The following BMPER variants were observed in gnomAD, a reference collection of about 807,000 sequenced individuals.
BMPER encodes the protein BMP-binding endothelial regulator protein.
A neutral mutation model predicts 87.3 loss-of-function variants in BMPER; 45 were observed. The ratio of observed to expected loss-of-function variants is 0.52; its 90% confidence interval spans 0.41 to 0.66. The LOEUF (loss-of-function observed/expected upper bound fraction) is 0.66. Among genes scored for constraint, BMPER ranks in the 30% least tolerant of loss-of-function variants. The pLI, the probability that BMPER is intolerant of heterozygous loss-of-function variation, is 0.00. For synonymous variants in BMPER, 326 were observed against 316.2 expected, an observed-to-expected ratio of 1.03 and a Z score of -0.33; for missense variants, 784 against 867.5, an observed-to-expected ratio of 0.90 and a Z score of 1.21.
chr7:34,136,031 G>C (rs1433335561), intron 13 of BMPER, among the ~76,000 whole-genome samples: 1 of 152,192 alleles, frequency 6.6e-6, no homozygotes, highest in Non-Finnish European at 1.5e-5. Flanking sequence ...TGGACTTGCT[G>C]TTCTGTCCTG....
chr7:34,113,470 A>ATTTAT (rs5883451), intron 13 of BMPER, among the ~76,000 whole-genome samples: 88,520 of 149,548 alleles, frequency 0.59, 26,666 homozygotes, highest in East Asian at 0.83. Flanking sequence ...TTACAGTTTC[A>ATTTAT]TTTATTTTAT....
At chr7:34,100,534 G>A (rs989207674) in intron 13 of BMPER, among the ~76,000 whole-genome samples, 4 of 152,156 alleles carry the variant, frequency 2.6e-5, no homozygotes, top group Non-Finnish European at 5.9e-5. Flanking sequence ...AAGGCTCTGT[G>A]TGCTTCCTGT....
Position 33,974,741 on chromosome 7 carries a change from A to G in BMPER, c.533A>G (p.Glu178Gly). The change falls in exon 6 of 15, where the codon GAA becomes GGA. Residue 178 changes from glutamate to glycine, a missense_variant. Glu to Gly is a moderately conservative substitution (Grantham distance 98, BLOSUM62 -2). Coordinates refer to ENST00000649409, the MANE Select transcript of BMPER (RefSeq NM_001365308.1). Reference sequence around the variant, plus strand: ...GGTGTGCAGTATCAAGAAGGGGAGGAATTTCAGCCAGAAGGAAGCAAATGT... The same window carrying G: ...GGTGTGCAGTATCAAGAAGGGGAGGGATTTCAGCCAGAAGGAAGCAAATGT... The part of the protein sequence containing the change: ...FEGVQYQEGE[E>G]FQPEGSKCTK... The G allele has an allele frequency of 1.2e-6, 2 of 1,613,690 alleles. No individual in the cohort carries two copies. Among genetic ancestry groups the G allele is most frequent in the Non-Finnish European group, 1.7e-6 (2 of 1,179,952 alleles).
chr7:34,059,083 AG>A (rs758555038), intron 10 of BMPER, among the ~76,000 whole-genome samples: 61 of 152,128 alleles, frequency 4.0e-4, no homozygotes, highest in Non-Finnish European at 5.1e-4. Flanking sequence ...TAAAACTGAA[AG>A]CCTCCCATAA....
At chr7:34,123,103 A>G (rs1790303974) in intron 13 of BMPER, among the ~76,000 whole-genome samples, 2 of 152,210 alleles carry the variant, frequency 1.3e-5, no homozygotes, top group African/African-American at 2.4e-5. Flanking sequence ...TATTTCTAAA[A>G]CAGAGGTGGA....
intron 13 of BMPER, among the ~76,000 whole-genome samples, chr7:34,089,212 T>C (rs924913327): frequency 6.6e-6 from 1 of 152,172 alleles, no homozygotes; most frequent in Non-Finnish European, 1.5e-5. Context: ...AAAATATCTG[T>C]ATTTTCCTTT....
At chr7:34,109,945 G>C (rs1413072804) in intron 13 of BMPER, among the ~76,000 whole-genome samples, 1 of 152,118 alleles carries the variant, frequency 6.6e-6, no homozygotes, top group Non-Finnish European at 1.5e-5. Flanking sequence ...TTATTCTCCT[G>C]GTTTTTAATG....
intron 10 of BMPER, among the ~76,000 whole-genome samples, chr7:34,060,231 C>G (rs989425372): frequency 6.6e-6 from 1 of 150,696 alleles, no homozygotes; most frequent in Non-Finnish European, 1.5e-5. Flanking sequence ...TTTCTGAAGA[C>G]GAGAGATGGA....
At chr7:33,946,674 C>T (rs1212686896) in intron 3 of BMPER, among the ~76,000 whole-genome samples, 1 of 152,094 alleles carries the variant, frequency 6.6e-6, no homozygotes, top group Admixed American at 6.6e-5. Context: ...AGGGGTCACA[C>T]AAAAAGATAA....
At position 34,098,666 on chromosome 7, in the gene BMPER, G is replaced by A. The variant is rs115413360; in HGVS notation, c.1745+12574G>A. ...GCATGAAGGTAGATGCATTTGAACT[G>A]CTGAAAGAACCTGGGCCAGAAGACC... On this transcript the variant is annotated intron_variant, in intron 13 of 14. Coordinates refer to ENST00000649409, the MANE Select transcript of BMPER (RefSeq NM_001365308.1). Among the ~76,000 whole-genome samples, 1,084 of 152,252 alleles carry A rather than the reference G, an allele frequency of 7.1e-3. 23 individuals carry two copies. The highest frequency in any genetic ancestry group is 0.025 in the African/African-American group (1,020 of 41,554).
chr7:34,006,656 C>G (rs1390593890), intron 6 of BMPER, among the ~76,000 whole-genome samples: 1 of 152,014 alleles, frequency 6.6e-6, no homozygotes, highest in Non-Finnish European at 1.5e-5. Context: ...GACAGTTGAG[C>G]TTTGCTTAGT....
intron 6 of BMPER, among the ~76,000 whole-genome samples, chr7:33,983,536 C>A (rs1245853468): frequency 1.3e-5 from 2 of 152,124 alleles, no homozygotes; most frequent in Admixed American, 1.3e-4. Flanking sequence ...TTAATTTTCA[C>A]AATTGTTCTG....
At position 34,149,847 on chromosome 7, in the gene BMPER, A is replaced by G. The variant is rs959592654; in HGVS notation, c.1877-3245A>G. On this transcript the variant is annotated intron_variant, in intron 14 of 14. Transcript: ENST00000649409. ...GGGTGAGGAAGATGAGCCTGTCAAC[A>G]TTAATGAATTGCAGAAGACTAGGCT... 1.1e-4 allele frequency among the ~76,000 whole-genome samples: 17 copies of G among 152,064 alleles called. 1 individual carries two copies. The highest frequency in any genetic ancestry group is 9.8e-4 in the Admixed American group (15 of 15,274).
chr7:34,035,241 C>G (rs1336507551), intron 6 of BMPER, among the ~76,000 whole-genome samples: 1 of 152,130 alleles, frequency 6.6e-6, no homozygotes, highest in Non-Finnish European at 1.5e-5. Flanking sequence ...ATTGTACTTA[C>G]AACATTTTAG....
intron 3 of BMPER, among the ~76,000 whole-genome samples, chr7:33,962,516 G>A (rs1174295275): frequency 6.6e-6 from 1 of 152,108 alleles, no homozygotes; most frequent in African/African-American, 2.4e-5. Flanking sequence ...ATCATCCCTG[G>A]CCTCTACCCA....
At chr7:33,961,441 C>T (rs1462664280) in intron 3 of BMPER, among the ~76,000 whole-genome samples, 1 of 152,204 alleles carries the variant, frequency 6.6e-6, no homozygotes, top group Non-Finnish European at 1.5e-5. Context: ...CCAGAAAGAG[C>T]ACACAGTGAC....
At chr7:33,974,404 A>G (rs534596107) in intron 5 of BMPER, among the ~76,000 whole-genome samples, 3 of 152,178 alleles carry the variant, frequency 2.0e-5, no homozygotes, top group Non-Finnish European at 2.9e-5. Context: ...AGTGGGCAGC[A>G]TGATCACCAT....
chr7:33,954,143 G>C lies in BMPER; in HGVS notation c.320-12336G>C, dbSNP rs150667500. Reference sequence around the variant, plus strand: ...CAGCAGGCTTGGGATCCCCTGGAATGAATGTTCTCCTGGTTAAATGATGTG... The same window carrying C: ...CAGCAGGCTTGGGATCCCCTGGAATCAATGTTCTCCTGGTTAAATGATGTG... On this transcript the variant is annotated intron_variant, in intron 3 of 14. Transcript: ENST00000649409. Among the ~76,000 whole-genome samples the C allele has an allele frequency of 3.6e-3, 552 of 152,272 alleles. 1 individual carries two copies. The highest frequency in any genetic ancestry group is 0.013 in the African/African-American group (538 of 41,560).
chr7:33,993,352 CTTCATTTCA>C, intron 6 of BMPER, among the ~76,000 whole-genome samples: 1 of 152,110 alleles, frequency 6.6e-6, no homozygotes, highest in African/African-American at 2.4e-5. Flanking sequence ...TCCCTTCTCG[CTTCATTTCA>C]TTCATTTCAT....
Sources: allele counts gnomAD v4.1 joint callset (sites outside exome capture counted in the v4.1 genomes callset), GRCh38; gene constraint gnomAD v4.1.1; transcripts MANE v1.5; gene names NCBI Gene and HGNC (gene_info 2026-07-23, HGNC 2026-07-21).